Variants in TYW1 observed in about 807,000 individuals in gnomAD.
The protein encoded by TYW1 is tRNA-yW synthesizing protein 1 homolog.
Under a neutral mutation model 96.2 loss-of-function variants are expected in TYW1, and 46 were observed. The observed-to-expected ratio is 0.48, with a 90% confidence interval of 0.38 to 0.61. The LOEUF is 0.61. Ranked by LOEUF, TYW1 falls within the 20% of genes least tolerant of loss-of-function variation. TYW1 has a pLI of 0.00. For synonymous variants in TYW1, 274 were observed against 323.0 expected (o/e 0.85, Z 1.63); for missense variants, 684 against 909.6 (o/e 0.75, Z 3.19).
At chr7:67,045,479 A>C (rs1439348858) in intron 7 of TYW1, among the ~76,000 whole-genome samples, 2 of 152,196 alleles carry the variant, frequency 1.3e-5, no homozygotes, top group Non-Finnish European at 2.9e-5. Context: ...TGGCCTCTAA[A>C]AGTCCTGGGT....
intron 11 of TYW1, among the ~76,000 whole-genome samples, chr7:67,088,361 A>AG (rs1441765529): frequency 6.6e-6 from 1 of 152,230 alleles, no homozygotes; most frequent in Admixed American, 6.5e-5. Context: ...AAAAGAAAAA[A>AG]AAAACCCTAA....
At chr7:67,119,990 C>T (rs1277579480) in intron 13 of TYW1, among the ~76,000 whole-genome samples, 2 of 152,042 alleles carry the variant, frequency 1.3e-5, no homozygotes, top group Non-Finnish European at 2.9e-5. Flanking sequence ...CAATCTCAAA[C>T]TCCTGGCCTC....
At chr7:67,008,029 C>T (rs545342261) in intron 3 of TYW1, among the ~76,000 whole-genome samples, 2 of 152,308 alleles carry the variant, frequency 1.3e-5, no homozygotes, top group South Asian at 2.1e-4. Context: ...AGTCACAAGT[C>T]CCGGCTTTAA....
Position 67,017,886 on chromosome 7 carries a change from C to A in TYW1, c.604C>A (p.Leu202Ile). 6 of 1,613,682 alleles carry A rather than the reference C, an allele frequency of 3.7e-6. No homozygotes were observed. The highest frequency in any genetic ancestry group is 5.1e-6 in the Non-Finnish European group (6 of 1,179,676). ...AAATGTTGACAAGTGGCTCTGGATG[C>A]TTGGCGCGCATCGTGTGATGAGTCG... ...GKNVDKWLWMLGAHRVMSRGE... is the reference protein window; with the variant it reads ...GKNVDKWLWMIGAHRVMSRGE... The change falls in exon 6 of 16, where the codon CTT (leucine) becomes ATT (isoleucine). Residue 202 changes from leucine to isoleucine, a missense_variant. Physicochemically the swap from Leu to Ile is conservative, Grantham distance 5. Coordinates refer to ENST00000359626, the MANE Select transcript of TYW1 (RefSeq NM_018264.4).
intron 12 of TYW1, among the ~76,000 whole-genome samples, chr7:67,100,347 C>G (rs2711926): frequency 6.6e-6 from 1 of 151,312 alleles, no homozygotes; most frequent in Non-Finnish European, 1.5e-5. Flanking sequence ...TTTACTCATC[C>G]GTTATGTATT....
At chr7:67,046,693 GTTATAAACCA>G (rs1795197922) in intron 7 of TYW1, among the ~76,000 whole-genome samples, 1 of 152,184 alleles carries the variant, frequency 6.6e-6, no homozygotes, top group African/African-American at 2.4e-5. Flanking sequence ...CTTGCGGAGT[GTTATAAACCA>G]TTACATTTCT....
chr7:67,160,508 GACT>G (rs1799126621), intron 13 of TYW1, among the ~76,000 whole-genome samples: 1 of 147,306 alleles, frequency 6.8e-6, no homozygotes, highest in African/African-American at 2.5e-5. Context: ...AGGACTTAAG[GACT>G]TAAGGTATGT....
intron 3 of TYW1, among the ~76,000 whole-genome samples, chr7:67,005,971 C>T (rs947897913): frequency 2.0e-5 from 3 of 152,112 alleles, no homozygotes; most frequent in African/African-American, 7.2e-5. Context: ...TCTCCCAGTT[C>T]CTTTGGCTTT....
chr7:67,134,466 C>T lies in TYW1; in HGVS notation c.1698+16848C>T, dbSNP rs531724458. ...CTGAGGCAGGAGAATCGCTTGAACCCGGGAGATGGAGGTTGCAGTGAGCCA... is the reference window on the plus strand; with the variant it reads ...CTGAGGCAGGAGAATCGCTTGAACCTGGGAGATGGAGGTTGCAGTGAGCCA... On this transcript the variant is annotated intron_variant, in intron 13 of 15. Transcript: ENST00000359626. Among the ~76,000 whole-genome samples the T allele has an allele frequency of 8.3e-4, 126 of 151,692 alleles. 1 individual carries two copies. The highest frequency in any genetic ancestry group is 2.9e-3 in the African/African-American group (118 of 41,346).
At chr7:67,234,924 A>C (rs1801837471) in intron 15 of TYW1, among the ~76,000 whole-genome samples, 1 of 148,458 alleles carries the variant, frequency 6.7e-6, no homozygotes. Context: ...CTAGATTGAG[A>C]TATAAAGTAT....
chr7:67,048,988 T>G (rs1479270978), intron 7 of TYW1, among the ~76,000 whole-genome samples: 1 of 152,278 alleles, frequency 6.6e-6, no homozygotes, highest in African/African-American at 2.4e-5. Flanking sequence ...CACTCTGGCC[T>G]GGGTGACAAA....
intron 13 of TYW1, among the ~76,000 whole-genome samples, chr7:67,137,336 C>A (rs1327867545): frequency 6.6e-6 from 1 of 151,860 alleles, no homozygotes; most frequent in East Asian, 1.9e-4. Context: ...AGATTTTAAG[C>A]CAGGCATGGT....
At chr7:67,059,293 C>T (rs1274822379) in intron 9 of TYW1, among the ~76,000 whole-genome samples, 10 of 150,888 alleles carry the variant, frequency 6.6e-5, no homozygotes, top group African/African-American at 1.7e-4. Flanking sequence ...TTAGTAGAGA[C>T]GGGGTTTCAC....
intron 3 of TYW1, among the ~76,000 whole-genome samples, chr7:67,001,560 T>C (rs1404256517): frequency 6.6e-6 from 1 of 151,556 alleles, no homozygotes; most frequent in Non-Finnish European, 1.5e-5. Context: ...TAGCAGGGAC[T>C]ATAGGCGCCC....
At chr7:67,170,017 T>C (rs1799468521) in intron 13 of TYW1, among the ~76,000 whole-genome samples, 1 of 152,292 alleles carries the variant, frequency 6.6e-6, no homozygotes, top group South Asian at 2.1e-4. Flanking sequence ...GTTTTTGGTG[T>C]CATATCTAAT....
intron 7 of TYW1, among the ~76,000 whole-genome samples, chr7:67,049,078 C>T (rs1182545256): frequency 4.6e-5 from 7 of 152,178 alleles, no homozygotes; most frequent in Non-Finnish European, 8.8e-5. Flanking sequence ...ATAACTTGGT[C>T]TCTGAGCCGA....
intron 13 of TYW1, among the ~76,000 whole-genome samples, chr7:67,175,211 G>GC (rs199820771): frequency 0.32 from 41,503 of 130,194 alleles, 6,269 homozygotes; most frequent in African/African-American, 0.44. Flanking sequence ...TGCTCTTATT[G>GC]CCCAGGCTGG....
intron 15 of TYW1, among the ~76,000 whole-genome samples, chr7:67,206,655 AT>A (rs1800810768): frequency 6.6e-6 from 1 of 151,692 alleles, no homozygotes; most frequent in African/African-American, 2.4e-5. Context: ...AAATAAATAA[AT>A]AAATAAATAA....
chr7:67,119,769 T>C (rs1417361175), intron 13 of TYW1, among the ~76,000 whole-genome samples: 1 of 152,134 alleles, frequency 6.6e-6, no homozygotes, highest in Admixed American at 6.6e-5. Context: ...CATAGTACAC[T>C]TTAAGGTATT....
Sources: allele counts gnomAD v4.1 joint callset (sites outside exome capture counted in the v4.1 genomes callset), GRCh38; gene constraint gnomAD v4.1.1; transcripts MANE v1.5; gene names NCBI Gene and HGNC (gene_info 2026-07-23, HGNC 2026-07-21).